PM20D2: variants seen among roughly 807,000 people sequenced by gnomAD.
PM20D2 encodes peptidase M20 domain containing 2.
PM20D2 carries 33 observed loss-of-function variants against 42.9 expected under a neutral mutation model. The observed-to-expected ratio is 0.77, with a 90% CI of 0.58 to 1.03. The LOEUF (loss-of-function observed/expected upper bound fraction) is 1.03. Ranked by LOEUF, PM20D2 falls within the 50% of genes least tolerant of loss-of-function variation. The pLI is 0.00. For synonymous variants in PM20D2, 250 were observed against 228.2 expected (o/e 1.10, Z -0.86); for missense variants, 548 against 557.0 (o/e 0.98, Z 0.16).
At chr6:89,132,895 CT>C in the PM20D2 span, among the ~76,000 whole-genome samples, 199 of 149,504 alleles carry the variant, frequency 1.3e-3, 8 homozygotes, top group African/African-American at 4.8e-3. Flanking sequence ...GAATTTTAAT[CT>C]TTTTTTTTAA....
chr6:89,160,684 A>G (rs1484683301), intron 5 of PM20D2, among the ~76,000 whole-genome samples: 2 of 152,250 alleles, frequency 1.3e-5, no homozygotes, highest in Non-Finnish European at 2.9e-5. Flanking sequence ...TGACATAAGC[A>G]TGAACCAAAT....
chr6:89,130,815 T>TGG, the PM20D2 span, among the ~76,000 whole-genome samples: 1 of 131,174 alleles, frequency 7.6e-6, no homozygotes, highest in South Asian at 2.5e-4. Context: ...TCTGGCTTCT[T>TGG]CTTCTTTTTT....
At position 89,153,170 on chromosome 6, in the gene PM20D2, A is replaced by G. The variant is rs1174438401; in HGVS notation, c.742A>G (p.Thr248Ala). The change falls in exon 3 of 7, where the codon ACC (threonine) becomes GCC (alanine). Residue 248 changes from threonine to alanine, a missense_variant. This residue lies in a region of PM20D2 where 470 missense variants were observed against 464.4 expected (regional missense o/e 1.01). Transcript: ENST00000275072. Reference sequence around the variant, plus strand: ...TGTGTTCAGACAGCAAATGAAACCAACCTGGAGAGTTCATGGTATGAATGT... The same window carrying G: ...TGTGTTCAGACAGCAAATGAAACCAGCCTGGAGAGTTCATGGTATGAATGT... ...LSVFRQQMKP[T>A]WRVHGIIKNG... 1.9e-6 allele frequency: 3 copies of G among 1,603,514 alleles called. No individual in the cohort carries two copies. The highest frequency in any genetic ancestry group is 1.7e-5 in the Admixed American group (1 of 57,908).
the PM20D2 span, among the ~76,000 whole-genome samples, chr6:89,139,111 A>G: frequency 6.6e-6 from 1 of 152,218 alleles, no homozygotes; most frequent in African/African-American, 2.4e-5. Context: ...TTTTTTAGAG[A>G]CCTAGTCTCA....
the PM20D2 span, among the ~76,000 whole-genome samples, chr6:89,139,371 A>G: frequency 1.3e-5 from 2 of 151,858 alleles, no homozygotes; most frequent in African/African-American, 4.8e-5. Flanking sequence ...CACCATACCC[A>G]GCTAATTTTT....
chr6:89,146,118 G>A lies in PM20D2; in HGVS notation c.-27G>A. On this transcript the variant is annotated 5_prime_UTR_variant, in exon 1 of 7. Coordinates refer to ENST00000275072, the MANE Select transcript of PM20D2 (RefSeq NM_001010853.3). ...TGCGGCCGAGCCAGGGAGCGAGAGG[G>A]CGCAGAGGGCAGCGGGCTTGGGCAG... 2 of 1,417,022 alleles carry A rather than the reference G, an allele frequency of 1.4e-6. No homozygotes were observed. Among genetic ancestry groups the A allele is most frequent in the South Asian group, 1.5e-5 (1 of 64,800 alleles). The allele number at this position is 1,417,022 out of a possible 1,614,324, so 87.8% of individuals were successfully genotyped here.
chr6:89,136,403 C>T, the PM20D2 span, among the ~76,000 whole-genome samples: 1 of 151,296 alleles, frequency 6.6e-6, no homozygotes, highest in Non-Finnish European at 1.5e-5. Context: ...AGAGGCCGGG[C>T]GCAGTGGCTC....
the PM20D2 span, among the ~76,000 whole-genome samples, chr6:89,124,733 G>GTTTTTTTTTTTTTTTT: frequency 5.0e-5 from 4 of 79,554 alleles, no homozygotes; most frequent in African/African-American, 6.0e-5. Flanking sequence ...TGTTGCTGTT[G>GTTTTTTTTTTTTTTTT]TTGTTTTTTT....
the PM20D2 span, among the ~76,000 whole-genome samples, chr6:89,122,169 A>G: frequency 1.3e-5 from 2 of 152,344 alleles, no homozygotes; most frequent in African/African-American, 4.8e-5. Flanking sequence ...GAATCTAAAC[A>G]CTTAGGACTT....
the PM20D2 span, among the ~76,000 whole-genome samples, chr6:89,117,035 C>A: frequency 6.6e-6 from 1 of 152,048 alleles, no homozygotes; most frequent in East Asian, 1.9e-4. Context: ...CGTTCCCTCT[C>A]CCCCCGCCCC....
intron 1 of PM20D2, among the ~76,000 whole-genome samples, chr6:89,147,650 G>A (rs1770639185): frequency 6.6e-6 from 1 of 151,856 alleles, no homozygotes; most frequent in Non-Finnish European, 1.5e-5. Flanking sequence ...AATGAAGAGC[G>A]GTGGGCAGAT....
In PM20D2 at chr6:89,147,262, TGTC is replaced by T. The variant is rs548838106; in HGVS notation, c.465+656_465+658del. Among the ~76,000 whole-genome samples the T allele has an allele frequency of 2.5e-3, 379 of 152,352 alleles. 1 individual carries two copies. Among genetic ancestry groups the T allele is most frequent in the African/African-American group, 8.8e-3 (364 of 41,584 alleles). ...TAAACAGGGAAATGTCGTTTATGTT[TGTC>T]GTAGGGCAAGTTTAATCCTGTTTTA... is the stretch of plus-strand genomic sequence containing the variant. On this transcript the variant is annotated intron_variant, in intron 1 of 6. Transcript: ENST00000275072.
At chr6:89,117,874 G>C in the PM20D2 span, 4 of 1,562,618 alleles carry the variant, frequency 2.6e-6, no homozygotes, top group Non-Finnish European at 3.5e-6. Context: ...GGGGGGCCTC[G>C]TGTAGCGAGA....
chr6:89,133,212 G>A, the PM20D2 span, among the ~76,000 whole-genome samples: 1 of 150,754 alleles, frequency 6.6e-6, no homozygotes, highest in Non-Finnish European at 1.5e-5. Context: ...CTGGGCAACA[G>A]AGTGAGATCC....
At chr6:89,124,683 A>C in the PM20D2 span, among the ~76,000 whole-genome samples, 1 of 150,782 alleles carries the variant, frequency 6.6e-6, no homozygotes, top group Non-Finnish European at 1.5e-5. Context: ...AGAATGCTAA[A>C]GAGATTGGAA....
upstream of PM20D2, among the ~76,000 whole-genome samples, chr6:89,144,282 T>C (rs1770442906): frequency 6.6e-6 from 1 of 152,028 alleles, no homozygotes; most frequent in African/African-American, 2.4e-5. Context: ...AGCTTCTATA[T>C]GAAATTATAT....
At chr6:89,143,571 A>G (rs1191655946), upstream of PM20D2, among the ~76,000 whole-genome samples, 4 of 152,186 alleles carry the variant, frequency 2.6e-5, no homozygotes, top group African/African-American at 9.7e-5. Flanking sequence ...TAAATTCTGG[A>G]TATTGTATTG....
chr6:89,117,688 A>C, the PM20D2 span: 159 of 842,886 alleles, frequency 1.9e-4, no homozygotes, highest in African/African-American at 2.8e-3. Flanking sequence ...CACCTCCCCA[A>C]GTGGCGCAGC....
the PM20D2 span, among the ~76,000 whole-genome samples, chr6:89,111,722 G>A: frequency 1.3e-5 from 2 of 152,098 alleles, no homozygotes; most frequent in Non-Finnish European, 2.9e-5. Context: ...ATTTTATAAG[G>A]AAAGCATTGT....
Sources: gnomAD v4.1 joint callset for allele counts (sites outside exome capture counted in the v4.1 genomes callset) on GRCh38, gnomAD v4.1.1 for gene constraint, gnomAD v4.1.1 regional missense constraint, MANE v1.5 for transcripts, NCBI Gene and HGNC (gene_info 2026-07-23, HGNC 2026-07-21) for gene names.